APLF: variants seen among roughly 807,000 people sequenced by gnomAD.
The protein encoded by APLF is aprataxin and PNK-like factor.
A neutral mutation model predicts 55.6 loss-of-function variants in APLF; 61 were observed. The ratio of observed to expected loss-of-function variants is 1.10; its 90% CI spans 0.89 to 1.36. The LOEUF (loss-of-function observed/expected upper bound fraction) is 1.36, where lower values mean the gene tolerates loss of function less well. APLF is among the 40% of genes most tolerant of loss of function. The probability of loss-of-function intolerance (pLI) is 0.00; values close to 1 mark genes in which losing one functional copy is unlikely to be tolerated. For missense variants in APLF, 611 were observed against 602.5 expected, an observed-to-expected ratio of 1.01 and a Z score of -0.15; for synonymous variants, 207 against 214.8, an observed-to-expected ratio of 0.96 and a Z score of 0.32.
At chr2:68,567,819 G>T (rs998944832) in intron 9 of APLF, among the ~76,000 whole-genome samples, 2 of 152,028 alleles carry the variant, frequency 1.3e-5, no homozygotes, top group African/African-American at 4.8e-5. Context: ...TCATCCTAAG[G>T]CTGGCTCCTC....
chr2:68,537,878 C>G lies in APLF; in HGVS notation c.811C>G (p.Pro271Ala), dbSNP rs1670439967. ...TTTCATATTTGTTTTACAGGAAATGCCACAATCATTTTCTGCAATCACATT... is the reference window on the plus strand; with the variant it reads ...TTTCATATTTGTTTTACAGGAAATGGCACAATCATTTTCTGCAATCACATT... ...EESTISSKEM[P>A]QSFSAITLSN... The change falls in exon 7 of 10, where the codon CCA becomes GCA. Residue 271 changes from proline (P) to alanine (A), a missense_variant. Transcript: ENST00000303795. 6.4e-7 allele frequency: 1 copy of G among 1,554,496 alleles called. No individual in the cohort carries two copies. The highest frequency in any genetic ancestry group is 1.2e-5 in the South Asian group (1 of 81,948).
chr2:68,502,684 A>T (rs770565813), intron 2 of APLF, 47 bp from the exon 3 acceptor site: 3 of 1,148,778 alleles, frequency 2.6e-6, no homozygotes, highest in Non-Finnish European at 3.4e-6. Flanking sequence ...ACATTATTGT[A>T]TTATATTCTT....
intron 5 of APLF, among the ~76,000 whole-genome samples, chr2:68,515,433 C>G (rs1471611516): frequency 6.6e-6 from 1 of 151,766 alleles, no homozygotes; most frequent in East Asian, 1.9e-4. Flanking sequence ...AAAGACTTAA[C>G]TTGACCAAAA....
chr2:68,552,204 A>G (rs571854974), intron 8 of APLF, among the ~76,000 whole-genome samples: 10 of 152,192 alleles, frequency 6.6e-5, no homozygotes, highest in African/African-American at 2.4e-4. Flanking sequence ...CTGAAACACG[A>G]CTTGAGCTGG....
chr2:68,573,515 A>C (rs541781391), intron 9 of APLF, among the ~76,000 whole-genome samples: 10 of 152,226 alleles, frequency 6.6e-5, no homozygotes, highest in African/African-American at 2.4e-4. Context: ...TCTACTAAAA[A>C]TACAAAAAGT....
chr2:68,472,091 T>C (rs1206968069), intron 1 of APLF, among the ~76,000 whole-genome samples: 1 of 152,224 alleles, frequency 6.6e-6, no homozygotes, highest in Non-Finnish European at 1.5e-5. Context: ...AGACCTAAGA[T>C]CAAAGGAAAT....
chr2:68,495,889 C>A (rs1449608699), intron 2 of APLF, among the ~76,000 whole-genome samples: 1 of 152,176 alleles, frequency 6.6e-6, no homozygotes, highest in Non-Finnish European at 1.5e-5. Flanking sequence ...ATGTGGGGTC[C>A]TTTGAGCCAT....
At chr2:68,536,873 G>T (rs945468333) in intron 6 of APLF, among the ~76,000 whole-genome samples, 3 of 152,066 alleles carry the variant, frequency 2.0e-5, no homozygotes, top group African/African-American at 7.2e-5. Context: ...TAGCTTAGAA[G>T]AAATTATAAG....
intron 1 of APLF, among the ~76,000 whole-genome samples, chr2:68,468,627 C>T (rs1194518907): frequency 6.6e-6 from 1 of 152,182 alleles, no homozygotes; most frequent in Non-Finnish European, 1.5e-5. Flanking sequence ...GGAATAAGAA[C>T]ATTTGCATAT....
chr2:68,567,328 A>G lies in APLF; in HGVS notation c.1287-13A>G. 1.2e-6 allele frequency: 2 copies of G among 1,603,324 alleles called. No individual in the cohort carries two copies. The highest frequency in any genetic ancestry group is 4.5e-5 in the East Asian group (2 of 44,472). ...TTGGAAGACTAGCTCTTATTTTTGC[A>G]TTCTTCTTTCAGGAAGAATCCCCAG... is the stretch of plus-strand genomic sequence containing the variant. On this transcript the variant is annotated splice_polypyrimidine_tract_variant and intron_variant, in intron 8 of 9. Coordinates refer to ENST00000303795, the MANE Select transcript of APLF (RefSeq NM_173545.3).
At chr2:68,527,316 C>G (rs13384235) in intron 6 of APLF, among the ~76,000 whole-genome samples, 1 of 149,140 alleles carries the variant, frequency 6.7e-6, no homozygotes, top group Non-Finnish European at 1.5e-5. Flanking sequence ...CAGAGGCGCT[C>G]CTCATTTCCC....
chr2:68,479,099 A>G (rs900919805), intron 1 of APLF, among the ~76,000 whole-genome samples: 5 of 152,180 alleles, frequency 3.3e-5, no homozygotes, highest in Non-Finnish European at 5.9e-5. Context: ...GAAGTGGTCT[A>G]CTTTCCCCCA....
intron 5 of APLF, among the ~76,000 whole-genome samples, chr2:68,517,366 A>C (rs1395928674): frequency 1.5e-5 from 2 of 130,948 alleles, no homozygotes; most frequent in African/African-American, 2.9e-5. Context: ...ACTATATAAT[A>C]TATTCATATA....
At chr2:68,530,877 TA>T (rs111378354) in intron 6 of APLF, among the ~76,000 whole-genome samples, 4,756 of 151,614 alleles carry the variant, frequency 0.031, 82 homozygotes, top group Middle Eastern at 0.045. Flanking sequence ...GGCAAGAAGT[TA>T]AAAAAAAATT....
intron 6 of APLF, chr2:68,535,408 A>C: frequency 2.9e-6 from 1 of 343,348 alleles, no homozygotes; most frequent in Non-Finnish European, 5.9e-6. Context: ...AACTCTTTTC[A>C]TTTGGATTTA....
chr2:68,553,394 G>A (rs1200739712), intron 8 of APLF, among the ~76,000 whole-genome samples: 2 of 151,920 alleles, frequency 1.3e-5, no homozygotes, highest in South Asian at 4.2e-4. Context: ...CCAATGTTCA[G>A]TTTAGTTATA....
chr2:68,493,378 T>C (rs1676429828), intron 2 of APLF, among the ~76,000 whole-genome samples: 2 of 152,094 alleles, frequency 1.3e-5, no homozygotes, highest in South Asian at 4.1e-4. Flanking sequence ...TCCAGGTAGA[T>C]TAAATGTGAG....
At chr2:68,482,229 C>T in intron 1 of APLF, among the ~76,000 whole-genome samples, 1 of 152,044 alleles carries the variant, frequency 6.6e-6, no homozygotes, top group East Asian at 1.9e-4. Context: ...TAATTTTATG[C>T]AGTAGCTTTC....
intron 7 of APLF, 114 bp downstream of exon 7, chr2:68,538,341 G>A (rs1277326359): frequency 1.1e-6 from 1 of 881,504 alleles, no homozygotes; most frequent in Middle Eastern, 2.4e-4. Flanking sequence ...TAAAGGTTAG[G>A]GGCTTTATCG....
Sources: allele counts gnomAD v4.1 joint callset (sites outside exome capture counted in the v4.1 genomes callset), GRCh38; gene constraint gnomAD v4.1.1; transcripts MANE v1.5; gene names NCBI Gene and HGNC (gene_info 2026-07-23, HGNC 2026-07-21).